The following CYP4V2 variants were observed in gnomAD, a reference collection of about 807,000 sequenced individuals.
CYP4V2 encodes the protein cytochrome P450 4V2.
CYP4V2 carries 55 observed loss-of-function variants against 60.8 expected under a neutral mutation model. That is an observed-to-expected ratio of 0.90 (90% CI 0.73 to 1.13). The LOEUF (loss-of-function observed/expected upper bound fraction) is 1.13. CYP4V2 is among the 50% of genes most tolerant of loss of function. CYP4V2 has a pLI of 0.00. For synonymous variants in CYP4V2, 239 were observed against 236.8 expected (o/e 1.01, Z -0.08); for missense variants, 675 against 662.9 (o/e 1.02, Z -0.20).
At chr4:186,197,301 C>A in intron 4 of CYP4V2, 171 bp downstream of exon 4, 1 of 916,840 alleles carries the variant, frequency 1.1e-6, no homozygotes, top group Non-Finnish European at 1.7e-6. Context: ...ACGCCCAGGG[C>A]TGTGAGTGGG....
At position 186,196,133 on chromosome 4, in the gene CYP4V2, T is replaced by C. The variant is rs779117194; in HGVS notation, c.413+45T>C. 8 of 1,476,504 alleles carry C rather than the reference T, an allele frequency of 5.4e-6. No homozygotes were observed. In the East Asian group the frequency reaches 1.6e-4, roughly 29 times the overall value. 91.5% of individuals were successfully genotyped at this position (1,476,504 alleles called of 1,614,324 possible). A position where few individuals can be genotyped will look rare whatever the true frequency, so the allele number is the denominator to read the frequency against. The stretch of plus-strand genomic sequence containing the variant: ...TAAAGCTGTCTATAGAAATGGTTAC[T>C]TCTACGTGCAACTTGTTATTTCAAG... On this transcript the variant is annotated intron_variant, in intron 3 of 10. Coordinates refer to ENST00000378802, the MANE Select transcript of CYP4V2 (RefSeq NM_207352.4).
chr4:186,205,419 A>G, intron 8 of CYP4V2, 117 bp downstream of exon 8: 1 of 1,029,728 alleles, frequency 9.7e-7, no homozygotes, highest in Non-Finnish European at 1.5e-6. Context: ...CCTTTCCAGT[A>G]CCATCCCCTT....
At position 186,195,809 on chromosome 4, in the gene CYP4V2, C is replaced by T. The variant is rs564999428; in HGVS notation, c.328-194C>T. On this transcript the variant is annotated intron_variant, in intron 2 of 10. Transcript: ENST00000378802. The surrounding 1 kb of genome is among the most constrained non-coding windows in gnomAD (Gnocchi z 4.1). ...CTTCCCCCCAACTCCATTGAGTCCC[C>T]AAGACTGAATGCCAGTTTTATGTTC... Among the ~76,000 whole-genome samples, 2 of 152,290 alleles carry T rather than the reference C, an allele frequency of 1.3e-5. No homozygotes were observed. Among genetic ancestry groups the T allele is most frequent in the South Asian group, 4.1e-4 (2 of 4,828 alleles).
At chr4:186,192,263 G>T in intron 1 of CYP4V2, 1 of 712,092 alleles carries the variant, frequency 1.4e-6, no homozygotes, top group South Asian at 1.5e-5. Flanking sequence ...ACAGGATGCG[G>T]TATTTCCAAA....
At chr4:186,192,361 G>A (rs2126579421) in intron 1 of CYP4V2, 1 of 564,658 alleles carries the variant, frequency 1.8e-6, no homozygotes, top group African/African-American at 1.8e-5. Context: ...GAAGCCTTAG[G>A]AACAGAAGCT....
At chr4:186,210,445 G>T in intron 10 of CYP4V2, 24 bp from the exon 11 acceptor site, 1 of 1,613,942 alleles carries the variant, frequency 6.2e-7, no homozygotes, top group Non-Finnish European at 8.5e-7. Flanking sequence ...TAACTAAAGC[G>T]ATGGTATCTA....
chr4:186,197,231 G>A, intron 4 of CYP4V2, 101 bp downstream of exon 4: 2 of 1,405,966 alleles, frequency 1.4e-6, no homozygotes, highest in Non-Finnish European at 2.0e-6. Context: ...GGACGGGAAA[G>A]GGTGACGGGC....
intron 6 of CYP4V2, among the ~76,000 whole-genome samples, chr4:186,200,411 G>A (rs1228725249): frequency 2.0e-5 from 3 of 152,218 alleles, no homozygotes; most frequent in African/African-American, 7.2e-5. Context: ...GGTTGGAAAT[G>A]TATCAATGAA....
intron 1 of CYP4V2, 56 bp downstream of exon 1, chr4:186,192,093 C>T (rs764546798): frequency 3.1e-4 from 473 of 1,528,982 alleles, no homozygotes; most frequent in Non-Finnish European, 3.9e-4. Flanking sequence ...CGTTCCCACC[C>T]TCCGATCAGC....
chr4:186,194,704 G>A, intron 2 of CYP4V2, 92 bp downstream of exon 2: 1 of 1,192,056 alleles, frequency 8.4e-7, no homozygotes, highest in Non-Finnish European at 1.2e-6. Flanking sequence ...TTATATTTCA[G>A]CCATTTCAGC....
chr4:186,201,603 T>C, intron 7 of CYP4V2: 1 of 316,286 alleles, frequency 3.2e-6, no homozygotes, highest in Non-Finnish European at 5.9e-6. Context: ...GTCAGAGTTT[T>C]CCCAAGCAGA....
intron 7 of CYP4V2, chr4:186,202,885 C>A (rs986473687): frequency 6.7e-6 from 1 of 148,768 alleles, no homozygotes; most frequent in Admixed American, 7.2e-5. Context: ...TGCACACATG[C>A]ATGCATACAC....
In CYP4V2 at chr4:186,213,111, T is replaced by A. The variant is rs1267126636; in HGVS notation, c.*2470T>A. ...ATTTAAAGTAAAACATTGTTTAATG[T>A]TACCTTTTGGCTTGAGAATGTCTTT... On this transcript the variant is annotated 3_prime_UTR_variant, in exon 11 of 11. Transcript: ENST00000378802. 1.3e-5 allele frequency: 2 copies of A among 152,182 alleles called. No individual in the cohort carries two copies. The highest frequency in any genetic ancestry group is 4.8e-5 in the African/African-American group (2 of 41,464). 9.4% of individuals were successfully genotyped at this position (152,182 alleles called of 1,614,324 possible). A position where few individuals can be genotyped will look rare whatever the true frequency, so the allele number is the denominator to read the frequency against.
At chr4:186,204,335 A>AGGT (rs1561435527) in intron 7 of CYP4V2, 10 of 152,102 alleles carry the variant, frequency 6.6e-5, no homozygotes, top group African/African-American at 2.8e-4. Context: ...CTGGCGTAAG[A>AGGT]GGCGGCGGTG....
intron 6 of CYP4V2, among the ~76,000 whole-genome samples, chr4:186,200,430 T>C (rs1184926045): frequency 6.6e-6 from 1 of 152,204 alleles, no homozygotes; most frequent in Non-Finnish European, 1.5e-5. Context: ...AACAAAGACA[T>C]GCACAAGCAT....
Position 186,191,979 on chromosome 4 carries a change from G to A in CYP4V2, c.156G>A (p.Thr52=), listed in dbSNP as rs1435517767. The change falls in exon 1 of 11, where the codon ACG becomes ACA. Residue 52 remains threonine, a synonymous_variant. Transcript: ENST00000378802. ...RKWQQMRPIP[T]VARAYPLVGH... ...GGCAGCAGATGCGGCCCATCCCCAC[G>A]GTGGCCCGCGCCTACCCACTGGTGG... 1 of 1,585,188 alleles carries A rather than the reference G, an allele frequency of 6.3e-7. No homozygotes were observed. The highest frequency in any genetic ancestry group is 1.1e-5 in the South Asian group (1 of 87,722).
At chr4:186,194,325 T>G (rs992040327) in intron 1 of CYP4V2, among the ~76,000 whole-genome samples, 175 bp from the exon 2 acceptor site, 41 of 152,214 alleles carry the variant, frequency 2.7e-4, no homozygotes, top group Non-Finnish European at 1.6e-4. Flanking sequence ...ACTTTAGACT[T>G]ACAGAAAAGT....
chr4:186,194,716 C>A, intron 2 of CYP4V2, 104 bp downstream of exon 2: 1 of 1,054,314 alleles, frequency 9.5e-7, no homozygotes, highest in Middle Eastern at 2.0e-4. Flanking sequence ...CATTTCAGCA[C>A]AAAAAACATT....
intron 7 of CYP4V2, chr4:186,204,762 C>A (rs1736445373): frequency 7.8e-6 from 2 of 255,870 alleles, no homozygotes; most frequent in Middle Eastern, 1.5e-3. Flanking sequence ...ATTTTTACTG[C>A]AGAGGATATG....
Sources: gnomAD v4.1 joint callset for allele counts (sites outside exome capture counted in the v4.1 genomes callset) on GRCh38, gnomAD v4.1.1 for gene constraint, Gnocchi (gnomAD v3.1) non-coding constraint, MANE v1.5 for transcripts, NCBI Gene and HGNC (gene_info 2026-07-23, HGNC 2026-07-21) for gene names.